The following TMEM106B variants were observed in gnomAD, a reference collection of about 807,000 sequenced individuals.
The protein encoded by TMEM106B is transmembrane protein 106B.
TMEM106B carries 15 observed loss-of-function variants against 31.1 expected under a neutral mutation model. That is an observed-to-expected ratio of 0.48 (90% CI 0.32 to 0.74). The LOEUF (loss-of-function observed/expected upper bound fraction) is 0.74, where lower values mean the gene tolerates loss of function less well. Ranked by LOEUF, TMEM106B falls within the 30% of genes least tolerant of loss-of-function variation. The pLI is 0.03. For missense variants in TMEM106B, 283 were observed against 327.3 expected, an observed-to-expected ratio of 0.86 and a Z score of 1.04; for synonymous variants, 126 against 112.5, an observed-to-expected ratio of 1.12 and a Z score of -0.76.
intron 3 of TMEM106B, among the ~76,000 whole-genome samples, chr7:12,223,249 C>T (rs1391323630): frequency 6.6e-6 from 1 of 151,982 alleles, no homozygotes; most frequent in Non-Finnish European, 1.5e-5. Context: ...TAAAAAAAAT[C>T]TTAAAAACTG....
chr7:12,219,960 G>GA lies in TMEM106B; in HGVS notation c.281+1446dup, dbSNP rs202184519. Among the ~76,000 whole-genome samples, 1,331 of 152,000 alleles carry GA rather than the reference G, an allele frequency of 8.8e-3. 21 individuals are homozygous for GA. Among genetic ancestry groups the GA allele is most frequent in the African/African-American group, 0.031 (1,275 of 41,480 alleles). ...CATATTGAAAAGACACCACAATCCTGAAAAAAATCAACCCAGGTTAGTGAA... is the reference window on the plus strand; with the variant it reads ...CATATTGAAAAGACACCACAATCCTGAAAAAAAATCAACCCAGGTTAGTGAA... On this transcript the variant is annotated intron_variant, in intron 3 of 7. Transcript: ENST00000396668.
At position 12,242,379 on chromosome 7, in the gene TMEM106B, C is replaced by CAATAAAAAAA. The variant is rs1782249793; in HGVS notation, c.*10406_*10407insTAAAAAAAAA. Reference sequence around the variant, plus strand: ...TGGGCGACAGAGCGAGACTCCGTCTCAAAAAAAAAAAAAAAAAAAAAAAAA... The same window carrying CAATAAAAAAA: ...TGGGCGACAGAGCGAGACTCCGTCTCAATAAAAAAAAAAAAAAAAAAAAAAAAAAAAAAAA... On this transcript the variant is annotated 3_prime_UTR_variant, in exon 8 of 8. Transcript: ENST00000396668. The CAATAAAAAAA allele has an allele frequency of 8.6e-5, 1 of 11,662 alleles. No homozygotes were observed. Among genetic ancestry groups the CAATAAAAAAA allele is most frequent in the Non-Finnish European group, 1.2e-4 (1 of 8,346 alleles). The allele number at this position is 11,662 out of a possible 1,614,324, so 0.7% of individuals were successfully genotyped here. A position where few individuals can be genotyped will look rare whatever the true frequency, so the allele number is the denominator to read the frequency against.
chr7:12,242,639 T>A lies in TMEM106B; in HGVS notation c.*10664T>A, dbSNP rs1306822377. ...TGTCCTTACTGGGTAACTTGTGTAT[T>A]TTTCAAGTTAAAGGATTTCCTAAAA... On this transcript the variant is annotated 3_prime_UTR_variant, in exon 8 of 8. Coordinates refer to ENST00000396668, the MANE Select transcript of TMEM106B (RefSeq NM_001134232.2). 6.6e-6 allele frequency: 1 copy of A among 152,158 alleles called. No homozygotes were observed. Among genetic ancestry groups the A allele is most frequent in the Non-Finnish European group, 1.5e-5 (1 of 68,016 alleles). 9.4% of individuals were successfully genotyped at this position (152,158 alleles called of 1,614,324 possible).
rs145111592 is a variant in TMEM106B at position 12,243,329 on chromosome 7, G to C, written c.*11354G>C. The C allele has an allele frequency of 3.5e-3, 539 of 152,134 alleles. 3 individuals carry two copies. Among genetic ancestry groups the C allele is most frequent in the African/African-American group, 0.012 (510 of 41,528 alleles). 9.4% of individuals were successfully genotyped at this position (152,134 alleles called of 1,614,324 possible). A position where few individuals can be genotyped will look rare whatever the true frequency, so the allele number is the denominator to read the frequency against. On this transcript the variant is annotated 3_prime_UTR_variant, in exon 8 of 8. Coordinates refer to ENST00000396668, the MANE Select transcript of TMEM106B (RefSeq NM_001134232.2). ...TTGATACTAATTTTTAAGAAGAAAT[G>C]TATCATTCTCATGGAAATAAAAGAT...
chr7:12,216,041 C>G (rs2128524220), intron 2 of TMEM106B, among the ~76,000 whole-genome samples: 1 of 152,168 alleles, frequency 6.6e-6, no homozygotes, highest in African/African-American at 2.4e-5. Flanking sequence ...ACTTTGTGTA[C>G]CTTTTTAAGA....
At chr7:12,218,358 C>T (rs561256345) in intron 2 of TMEM106B, 100 bp from the exon 3 acceptor site, 3 of 887,830 alleles carry the variant, frequency 3.4e-6, no homozygotes, top group African/African-American at 1.7e-5. Flanking sequence ...GAGATGAGTG[C>T]CAGATGATAT....
At chr7:12,220,908 A>G (rs1201829047) in intron 3 of TMEM106B, among the ~76,000 whole-genome samples, 1 of 152,188 alleles carries the variant, frequency 6.6e-6, no homozygotes, top group Non-Finnish European at 1.5e-5. Context: ...TGGAAGGAGA[A>G]CTATATTTTA....
chr7:12,231,057 A>C lies in TMEM106B; in HGVS notation c.633-5A>C, dbSNP rs533927154. 3 of 1,582,712 alleles carry C rather than the reference A, an allele frequency of 1.9e-6. No homozygotes were observed. On this transcript the variant is annotated splice_polypyrimidine_tract_variant and splice_region_variant and intron_variant, in intron 6 of 7. Coordinates refer to ENST00000396668, the MANE Select transcript of TMEM106B (RefSeq NM_001134232.2). ...CATTTGTTCACATTTTAATTTCTTT[A>C]ACAGTGATTTCTGTACTCTGATATC...
chr7:12,223,705 G>A (rs1009424352), intron 3 of TMEM106B, among the ~76,000 whole-genome samples: 5 of 148,710 alleles, frequency 3.4e-5, no homozygotes, highest in African/African-American at 1.2e-4. Context: ...AAATTTCAGT[G>A]TCCAAAAATG....
rs929637 is a variant in TMEM106B, at chr7:12,236,896, G to A, written c.*4921G>A. ...AACAGATTTTGGAAAATGATTTGAC[G>A]TGCTTGCTCACTTGATTGACTTGGT... On this transcript the variant is annotated 3_prime_UTR_variant, in exon 8 of 8. Transcript: ENST00000396668. 5 of 151,822 alleles carry A rather than the reference G, an allele frequency of 3.3e-5. No homozygotes were observed. The highest frequency in any genetic ancestry group is 3.9e-4 in the East Asian group (2 of 5,186). The allele number at this position is 151,822 out of a possible 1,614,324, so 9.4% of individuals were successfully genotyped here.
At chr7:12,231,032 C>A in intron 6 of TMEM106B, 30 bp from the exon 7 acceptor site, 1 of 1,489,064 alleles carries the variant, frequency 6.7e-7, no homozygotes, top group Non-Finnish European at 9.2e-7. Flanking sequence ...TAGTAACTTG[C>A]ATTTGTTCAC....
intron 2 of TMEM106B, among the ~76,000 whole-genome samples, chr7:12,217,751 A>C (rs1781714830): frequency 6.6e-6 from 1 of 152,204 alleles, no homozygotes; most frequent in Non-Finnish European, 1.5e-5. Context: ...TAACAGAAGC[A>C]TTTTAGAAAG....
rs200845239 is a variant in TMEM106B at position 12,224,394 on chromosome 7, A to G, written c.441+9A>G. 1 of 1,592,906 alleles carries G rather than the reference A, an allele frequency of 6.3e-7. No homozygotes were observed. Among genetic ancestry groups the G allele is most frequent in the Non-Finnish European group, 8.6e-7 (1 of 1,163,190 alleles). On this transcript the variant is annotated intron_variant, in intron 4 of 7. Transcript: ENST00000396668. ...TTTATTTAAATATCACAGTGAGTAT[A>G]AATTTATATGAAAAATGTTTAACTT...
intron 5 of TMEM106B, among the ~76,000 whole-genome samples, chr7:12,230,100 C>T (rs545757942): frequency 1.3e-5 from 2 of 152,136 alleles, no homozygotes; most frequent in East Asian, 1.9e-4. Context: ...CACCTCTCTT[C>T]CCACCTACTG....
At chr7:12,225,523 A>T (rs79222644) in intron 4 of TMEM106B, among the ~76,000 whole-genome samples, 16,330 of 152,064 alleles carry the variant, frequency 0.11, 992 homozygotes, top group Non-Finnish European at 0.13. Flanking sequence ...CATCCTCTCT[A>T]CCATCTGTTG....
At chr7:12,217,400 T>G (rs935648992) in intron 2 of TMEM106B, among the ~76,000 whole-genome samples, 4 of 152,150 alleles carry the variant, frequency 2.6e-5, no homozygotes, top group Non-Finnish European at 5.9e-5. Flanking sequence ...GTTATAAAAT[T>G]GTGGTCTTGG....
chr7:12,231,049 A>G lies in TMEM106B; in HGVS notation c.633-13A>G. 1 of 1,570,862 alleles carries G rather than the reference A, an allele frequency of 6.4e-7. No individual in the cohort carries two copies. Among genetic ancestry groups the G allele is most frequent in the African/African-American group, 1.4e-5 (1 of 73,094 alleles). ...GTAACTTGCATTTGTTCACATTTTA[A>G]TTTCTTTAACAGTGATTTCTGTACT... On this transcript the variant is annotated splice_polypyrimidine_tract_variant and intron_variant, in intron 6 of 7. Transcript: ENST00000396668.
intron 6 of TMEM106B, 178 bp from the exon 7 acceptor site, chr7:12,230,884 A>G: frequency 2.0e-6 from 1 of 491,864 alleles, no homozygotes; most frequent in East Asian, 3.3e-5. Context: ...GAATACATAC[A>G]TGTTTTTCGA....
intron 1 of TMEM106B, chr7:12,214,155 C>T (rs957303922): frequency 1.3e-5 from 2 of 152,172 alleles, no homozygotes; most frequent in African/African-American, 4.8e-5. Flanking sequence ...AGCTGTCTCT[C>T]GTGGGGAAGA....
Sources: allele counts gnomAD v4.1 joint callset (sites outside exome capture counted in the v4.1 genomes callset), GRCh38; gene constraint gnomAD v4.1.1; transcripts MANE v1.5; gene names NCBI Gene and HGNC (gene_info 2026-07-23, HGNC 2026-07-21).